Variants in DIP2C observed in about 807,000 individuals in gnomAD.
The protein encoded by DIP2C is DIP2 acetate--CoA ligase C (putative).
DIP2C carries 33 observed loss-of-function variants against 192.4 expected under a neutral mutation model. The observed-to-expected ratio is 0.17, with a 90% CI of 0.13 to 0.23. The LOEUF (loss-of-function observed/expected upper bound fraction) is 0.23. Among genes scored for constraint, DIP2C ranks in the 10% least tolerant of loss-of-function variants. The pLI is 1.00. For synonymous variants in DIP2C, 979 were observed against 864.1 expected, an observed-to-expected ratio of 1.13 and a Z score of -2.33; for missense variants, 1,537 against 2,110.1, an observed-to-expected ratio of 0.73 and a Z score of 5.32.
At chr10:304,401 C>G (rs1040117915) in intron 32 of DIP2C, among the ~76,000 whole-genome samples, 3 of 152,174 alleles carry the variant, frequency 2.0e-5, no homozygotes, top group Non-Finnish European at 4.4e-5. Context: ...CAGCACATGA[C>G]TAATTCAGCA....
intron 1 of DIP2C, among the ~76,000 whole-genome samples, chr10:546,756 CAG>C (rs1379417408): frequency 2.7e-5 from 4 of 150,838 alleles, no homozygotes; most frequent in Non-Finnish European, 4.4e-5. Flanking sequence ...AACACTGGTT[CAG>C]AGTTATGAGC....
chr10:347,993 C>T (rs1003209508), intron 26 of DIP2C, among the ~76,000 whole-genome samples: 2 of 142,000 alleles, frequency 1.4e-5, no homozygotes, highest in Non-Finnish European at 3.1e-5. Context: ...AGATGCGTCG[C>T]GCATAGCTCT....
chr10:449,812 TCA>T (rs1968696351), intron 3 of DIP2C, among the ~76,000 whole-genome samples: 1 of 146,706 alleles, frequency 6.8e-6, no homozygotes. Flanking sequence ...GTAAACACAT[TCA>T]GTTACCTAAT....
intron 2 of DIP2C, among the ~76,000 whole-genome samples, chr10:475,759 C>T (rs1971008377): frequency 1.3e-5 from 2 of 152,112 alleles, no homozygotes; most frequent in African/African-American, 4.8e-5. Flanking sequence ...GATGTCATTC[C>T]AAACGAGGCT....
chr10:525,939 G>C (rs1333593058), intron 1 of DIP2C, among the ~76,000 whole-genome samples: 2 of 152,194 alleles, frequency 1.3e-5, no homozygotes, highest in African/African-American at 4.8e-5. Context: ...GCCCAGGTGA[G>C]CTGCTGCCCA....
chr10:286,766 T>C (rs1432244698), intron 33 of DIP2C, among the ~76,000 whole-genome samples: 4 of 152,246 alleles, frequency 2.6e-5, no homozygotes, highest in African/African-American at 9.6e-5. Flanking sequence ...TTACATAGAG[T>C]CAATATTACA....
chr10:560,296 G>A (rs2130992306), intron 1 of DIP2C, among the ~76,000 whole-genome samples: 1 of 152,242 alleles, frequency 6.6e-6, no homozygotes, highest in Admixed American at 6.5e-5. Flanking sequence ...TTCGGAGAAT[G>A]AGGCCATGTG....
At chr10:367,146 G>T (rs774397006) in intron 18 of DIP2C, among the ~76,000 whole-genome samples, 2 of 152,158 alleles carry the variant, frequency 1.3e-5, no homozygotes, top group Admixed American at 6.5e-5. Context: ...GGCCGGACGC[G>T]GTGGCTCACG....
chr10:464,470 GT>G (rs1266096604), intron 3 of DIP2C, among the ~76,000 whole-genome samples: 1 of 152,144 alleles, frequency 6.6e-6, no homozygotes, highest in African/African-American at 2.4e-5. Context: ...AGTTAGAATG[GT>G]TATCATTAAA....
intron 1 of DIP2C, among the ~76,000 whole-genome samples, chr10:583,410 A>T (rs1246528871): frequency 6.6e-6 from 1 of 152,272 alleles, no homozygotes; most frequent in Non-Finnish European, 1.5e-5. Flanking sequence ...GCAATTCATT[A>T]TCCTACATAA....
chr10:309,077 T>TCA (rs1956460842), intron 32 of DIP2C, among the ~76,000 whole-genome samples: 1 of 152,148 alleles, frequency 6.6e-6, no homozygotes, highest in Non-Finnish European at 1.5e-5. Context: ...CCCACGCACT[T>TCA]CACCTAAGCA....
chr10:464,675 C>T (rs894904959), intron 3 of DIP2C, among the ~76,000 whole-genome samples: 2 of 152,220 alleles, frequency 1.3e-5, no homozygotes, highest in Non-Finnish European at 2.9e-5. Context: ...AAGACACATA[C>T]AAACGTATGT....
chr10:578,853 A>G (rs1850363197), intron 1 of DIP2C, among the ~76,000 whole-genome samples: 1 of 152,190 alleles, frequency 6.6e-6, no homozygotes, highest in Admixed American at 6.5e-5. Context: ...TAGTGTACGT[A>G]CATAGGTACA....
intron 32 of DIP2C, among the ~76,000 whole-genome samples, chr10:291,843 C>T (rs911143044): frequency 1.3e-5 from 2 of 152,218 alleles, no homozygotes; most frequent in African/African-American, 2.4e-5. Context: ...AACACCAAGG[C>T]GTTGCCTGGC....
intron 32 of DIP2C, among the ~76,000 whole-genome samples, chr10:304,195 T>C (rs1172015835): frequency 6.6e-6 from 1 of 152,208 alleles, no homozygotes; most frequent in Non-Finnish European, 1.5e-5. Flanking sequence ...GCTATACGTT[T>C]ATACAACTGG....
intron 1 of DIP2C, among the ~76,000 whole-genome samples, chr10:677,470 A>G (rs1830915769): frequency 6.6e-6 from 1 of 152,240 alleles, no homozygotes; most frequent in Admixed American, 6.5e-5. Context: ...TATTCTCCAA[A>G]GTAAATAAAA....
intron 1 of DIP2C, among the ~76,000 whole-genome samples, chr10:601,506 C>G (rs1277386345): frequency 6.6e-6 from 1 of 152,222 alleles, no homozygotes; most frequent in Non-Finnish European, 1.5e-5. Flanking sequence ...CTACCTGAAG[C>G]TGGGAAACTA....
chr10:595,581 C>CT lies in DIP2C; in HGVS notation c.85+93912dup, dbSNP rs529365372. Among the ~76,000 whole-genome samples, 59 of 152,172 alleles carry CT rather than the reference C, an allele frequency of 3.9e-4. No homozygotes were observed. In the East Asian group the frequency reaches 0.01, roughly 26 times the overall value. The stretch of plus-strand genomic sequence containing the variant: ...AATGATTTTGCATCTACCTTGAAGC[C>CT]TTTTTAGAACAAGGCAGGACACAAA... On this transcript the variant is annotated intron_variant, in intron 1 of 36. Transcript: ENST00000280886.
At chr10:365,716 G>A (rs1434007334) in intron 19 of DIP2C, among the ~76,000 whole-genome samples, 2 of 152,192 alleles carry the variant, frequency 1.3e-5, no homozygotes, top group Non-Finnish European at 2.9e-5. Flanking sequence ...GCACATCTGT[G>A]CACACGCCCC....
Sources: allele counts gnomAD v4.1 joint callset (sites outside exome capture counted in the v4.1 genomes callset), GRCh38; gene constraint gnomAD v4.1.1; transcripts MANE v1.5; gene names NCBI Gene and HGNC (gene_info 2026-07-23, HGNC 2026-07-21).